The following KDM4A variants were observed in gnomAD, a reference collection of about 807,000 sequenced individuals.
The protein encoded by KDM4A is lysine demethylase 4A, also known as lysine-specific demethylase 4A.
A neutral mutation model predicts 127.1 loss-of-function variants in KDM4A; 23 were observed. That is an observed-to-expected ratio of 0.18 (90% CI 0.13 to 0.26). The LOEUF (loss-of-function observed/expected upper bound fraction) is 0.26. Ranked by LOEUF, KDM4A falls within the 10% of genes least tolerant of loss-of-function variation. The pLI is 1.00. For missense variants in KDM4A, 890 were observed against 1,329.1 expected (o/e 0.67, Z 5.14); for synonymous variants, 443 against 466.5 (o/e 0.95, Z 0.65).
intron 3 of KDM4A, among the ~76,000 whole-genome samples, chr1:43,658,172 C>T (rs1181936667): frequency 1.3e-5 from 2 of 149,826 alleles, no homozygotes; most frequent in Admixed American, 6.7e-5. Flanking sequence ...CAGGTTTAAG[C>T]GATTCTCCTA....
At chr1:43,654,097 A>C (rs1660179305) in intron 2 of KDM4A, among the ~76,000 whole-genome samples, 3 of 152,216 alleles carry the variant, frequency 2.0e-5, no homozygotes, top group Admixed American at 1.3e-4. Context: ...AGACGACCAC[A>C]TCCTCTTTCT....
intron 12 of KDM4A, among the ~76,000 whole-genome samples, chr1:43,687,627 C>A (rs192636066): frequency 2.0e-5 from 3 of 152,218 alleles, no homozygotes; most frequent in Non-Finnish European, 4.4e-5. Context: ...TGGACATCTA[C>A]CAAAGACTGC....
rs143022529 is a variant in KDM4A at position 43,704,802 on chromosome 1, C to T, written c.*432C>T. On this transcript the variant is annotated 3_prime_UTR_variant, in exon 22 of 22. Transcript: ENST00000372396. ...GTGTGTGTGCGTGCGTGCGTGCGTG[C>T]GTGTATGTTTGGTCTGGACCAGCTT... The T allele has an allele frequency of 5.5e-4, 92 of 167,506 alleles. No individual in the cohort carries two copies. Among genetic ancestry groups the T allele is most frequent in the Admixed American group, 1.3e-3 (21 of 16,678 alleles). 10.4% of individuals were successfully genotyped at this position (167,506 alleles called of 1,614,324 possible).
Position 43,667,758 on chromosome 1 carries a change from G to A in KDM4A, c.916-14G>A. On this transcript the variant is annotated splice_polypyrimidine_tract_variant and intron_variant, in intron 8 of 21. Coordinates refer to ENST00000372396, the MANE Select transcript of KDM4A (RefSeq NM_014663.3). ...GGTATGCTCACCTGGTGCTCTTCTG[G>A]TTCCTGCTGACAGTGCTCCTGTAGA... 1.2e-6 allele frequency: 2 copies of A among 1,614,110 alleles called. No individual in the cohort carries two copies. Among genetic ancestry groups the A allele is most frequent in the Non-Finnish European group, 1.7e-6 (2 of 1,179,992 alleles).
chr1:43,686,520 A>T (rs1660984791), intron 12 of KDM4A, among the ~76,000 whole-genome samples: 1 of 151,142 alleles, frequency 6.6e-6, no homozygotes, highest in South Asian at 2.1e-4. Flanking sequence ...TATCTTTAGT[A>T]GAGACGGGGT....
chr1:43,670,171 T>G (rs1010901050), intron 10 of KDM4A, among the ~76,000 whole-genome samples: 1 of 152,156 alleles, frequency 6.6e-6, no homozygotes, highest in Non-Finnish European at 1.5e-5. Context: ...CAGTGCTGTT[T>G]AGCAGTCACT....
chr1:43,667,842 A>G lies in KDM4A; in HGVS notation c.986A>G (p.Tyr329Cys), dbSNP rs1280856712. The change falls in exon 9 of 22, where the codon TAC becomes TGC. Residue 329 changes from tyrosine to cysteine, a missense_variant. Tyr to Cys is a radical substitution (Grantham distance 194, BLOSUM62 -2). Transcript: ENST00000372396. ...GTGAGAAAGTTCCAGCCAGAAAGGT[A>G]CAAACTTTGGAAAGCTGGGAAGGAC... ...VFVRKFQPER[Y>C]KLWKAGKDNT... The G allele has an allele frequency of 6.2e-7, 1 of 1,614,176 alleles. No homozygotes were observed.
intron 20 of KDM4A, 134 bp downstream of exon 20, chr1:43,703,870 C>T (rs570372399): frequency 1.1e-4 from 147 of 1,363,016 alleles, no homozygotes; most frequent in Non-Finnish European, 1.5e-4. Flanking sequence ...GGGGTCTGCC[C>T]TGTTTCCAGT....
At chr1:43,692,429 T>A in intron 16 of KDM4A, 118 bp downstream of exon 16, 2 of 866,500 alleles carry the variant, frequency 2.3e-6, no homozygotes, top group Non-Finnish European at 3.7e-6. Flanking sequence ...AAGCACATCG[T>A]GTGGAGCAGG....
intron 4 of KDM4A, among the ~76,000 whole-genome samples, chr1:43,661,128 C>T (rs1023664703): frequency 6.6e-6 from 1 of 152,008 alleles, no homozygotes; most frequent in African/African-American, 2.4e-5. Flanking sequence ...GCATGCGCCA[C>T]CATGCCCGGC....
At chr1:43,696,425 A>G (rs930268370) in intron 18 of KDM4A, among the ~76,000 whole-genome samples, 3 of 152,262 alleles carry the variant, frequency 2.0e-5, no homozygotes, top group African/African-American at 7.2e-5. Context: ...CAGAAGGATG[A>G]ACTTTTCACT....
At chr1:43,686,647 C>T (rs1297308020) in intron 12 of KDM4A, among the ~76,000 whole-genome samples, 1 of 152,154 alleles carries the variant, frequency 6.6e-6, no homozygotes, top group Non-Finnish European at 1.5e-5. Flanking sequence ...CCACAATATC[C>T]TTTAATCTTC....
At chr1:43,685,455 G>GTT (rs368697581) in intron 12 of KDM4A, among the ~76,000 whole-genome samples, 2 of 146,500 alleles carry the variant, frequency 1.4e-5, no homozygotes, top group African/African-American at 2.5e-5. Flanking sequence ...CATCTCTGCT[G>GTT]TTTTTTTTTT....
rs748941941 is a variant in KDM4A, at chr1:43,703,696, G to C, written c.2921G>C (p.Gly974Ala). 1 of 1,614,160 alleles carries C rather than the reference G, an allele frequency of 6.2e-7. No individual in the cohort carries two copies. Among genetic ancestry groups the C allele is most frequent in the Non-Finnish European group, 8.5e-7 (1 of 1,180,026 alleles). ...QVRWTDGQVY[G>A]AKFVASHPIQ... ...AGATGGACAGACGGCCAAGTCTATG[G>C]AGCCAAGTTTGTGGCCTCCCACCCT... Residue 974 changes from glycine (G) to alanine (A), a missense_variant, in exon 20 of 22, where the codon GGA (glycine) becomes GCA (alanine). By Grantham distance (60) the Gly-to-Ala change is moderately conservative. Around this residue, in one of 7 missense-constraint regions of KDM4A, gnomAD observed 246 missense variants for 418.4 expected, o/e 0.59. Transcript: ENST00000372396.
chr1:43,655,007 C>T (rs374371844), intron 2 of KDM4A, among the ~76,000 whole-genome samples: 1 of 152,054 alleles, frequency 6.6e-6, no homozygotes, highest in African/African-American at 2.4e-5. Context: ...AGTGCCACCA[C>T]ACCAGGCTAA....
At position 43,691,590 on chromosome 1, in the gene KDM4A, G is replaced by C. The variant is rs780730443; in HGVS notation, c.2319+18G>C. The stretch of plus-strand genomic sequence containing the variant: ...TAGAGGAGGTGAGTGATCCCACACT[G>C]TTACTGTCTTCACCATGAGTCTTGG... On this transcript the variant is annotated intron_variant, in intron 15 of 21. Coordinates refer to ENST00000372396, the MANE Select transcript of KDM4A (RefSeq NM_014663.3). 3.1e-6 allele frequency: 5 copies of C among 1,604,480 alleles called. No homozygotes were observed. The Admixed American group carries it at 8.3e-5, about 27-fold the overall frequency.
chr1:43,680,344 G>A (rs749950605), intron 11 of KDM4A, among the ~76,000 whole-genome samples: 1 of 152,156 alleles, frequency 6.6e-6, no homozygotes, highest in Non-Finnish European at 1.5e-5. Context: ...AAGAGGTGCT[G>A]TGAATATACT....
chr1:43,666,596 T>C (rs1024625702), intron 7 of KDM4A, 41 bp downstream of exon 7: 1 of 1,500,772 alleles, frequency 6.7e-7, no homozygotes. Flanking sequence ...GGCACCACCC[T>C]TTCTGGCCTT....
intron 11 of KDM4A, among the ~76,000 whole-genome samples, chr1:43,673,714 G>T (rs1365643492): frequency 6.6e-6 from 1 of 152,090 alleles, no homozygotes; most frequent in Non-Finnish European, 1.5e-5. Context: ...CTTCCATAAA[G>T]GAGGGCTTTT....
Sources: gnomAD v4.1 joint callset for allele counts (sites outside exome capture counted in the v4.1 genomes callset) on GRCh38, gnomAD v4.1.1 for gene constraint, gnomAD v4.1.1 regional missense constraint, MANE v1.5 for transcripts, NCBI Gene and HGNC (gene_info 2026-07-23, HGNC 2026-07-21) for gene names.